MAN1A1: variants seen among roughly 807,000 people sequenced by gnomAD.
MAN1A1 encodes mannosyl-oligosaccharide 1,2-alpha-mannosidase IA.
MAN1A1 carries 29 observed loss-of-function variants against 70.8 expected under a neutral mutation model. The ratio of observed to expected loss-of-function variants is 0.41; its 90% CI spans 0.31 to 0.56. The LOEUF (loss-of-function observed/expected upper bound fraction) is 0.56. MAN1A1 is among the 20% of genes least tolerant of loss of function. MAN1A1 has a pLI of 0.29. For missense variants in MAN1A1, 747 were observed against 841.3 expected (o/e 0.89, Z 1.39); for synonymous variants, 349 against 330.1 (o/e 1.06, Z -0.62).
At chr6:119,212,376 A>G (rs1562194602) in intron 6 of MAN1A1, among the ~76,000 whole-genome samples, 2 of 152,156 alleles carry the variant, frequency 1.3e-5, no homozygotes, top group African/African-American at 2.4e-5. Context: ...TGAGGCATAA[A>G]GGCCAATATT....
rs764312857 is a variant in MAN1A1, at chr6:119,204,928, GT to G, written c.993-47del. The G allele has an allele frequency of 1.9e-6, 3 of 1,593,504 alleles. No individual in the cohort carries two copies. The South Asian group carries it at 3.4e-5, about 18-fold the overall frequency. ...AAGAGTTATGGGTCAGATTAACTCCGTTTTTCACTATCTAAATAGCAGACAT... is the reference window on the plus strand; with the variant it reads ...AAGAGTTATGGGTCAGATTAACTCCGTTTTCACTATCTAAATAGCAGACAT... On this transcript the variant is annotated intron_variant, in intron 6 of 12. Coordinates refer to ENST00000368468, the MANE Select transcript of MAN1A1 (RefSeq NM_005907.4).
At chr6:119,251,488 C>T (rs1036266831) in intron 5 of MAN1A1, among the ~76,000 whole-genome samples, 1 of 152,180 alleles carries the variant, frequency 6.6e-6, no homozygotes, top group Non-Finnish European at 1.5e-5. Flanking sequence ...CAAATTTACC[C>T]ATTCTTTAAG....
chr6:119,291,511 A>C (rs560874992), intron 4 of MAN1A1, among the ~76,000 whole-genome samples: 6 of 137,850 alleles, frequency 4.4e-5, no homozygotes, highest in Non-Finnish European at 9.7e-5. Flanking sequence ...TTGTGTAAAC[A>C]TAATGGGGCC....
intron 3 of MAN1A1, among the ~76,000 whole-genome samples, chr6:119,303,759 C>A (rs1772457313): frequency 6.6e-6 from 1 of 152,096 alleles, no homozygotes; most frequent in Non-Finnish European, 1.5e-5. Flanking sequence ...AGGTAGACTA[C>A]AGCTAGATAC....
At chr6:119,294,452 T>C (rs951862949) in intron 4 of MAN1A1, among the ~76,000 whole-genome samples, 18 of 152,076 alleles carry the variant, frequency 1.2e-4, no homozygotes, top group African/African-American at 4.3e-4. Flanking sequence ...TAACAATTAA[T>C]GTGAATTTTG....
intron 5 of MAN1A1, among the ~76,000 whole-genome samples, chr6:119,285,220 C>T (rs1218279465): frequency 6.6e-6 from 1 of 151,692 alleles, no homozygotes; most frequent in Non-Finnish European, 1.5e-5. Context: ...TCAAGTGATC[C>T]CCCTCCCTCA....
chr6:119,268,949 A>G (rs1313848018), intron 5 of MAN1A1, among the ~76,000 whole-genome samples: 1 of 152,126 alleles, frequency 6.6e-6, no homozygotes, highest in African/African-American at 2.4e-5. Context: ...AACAATTCTT[A>G]GAGTCATTTA....
chr6:119,220,339 G>C (rs1401384706), intron 6 of MAN1A1, among the ~76,000 whole-genome samples: 1 of 61,330 alleles, frequency 1.6e-5, no homozygotes. Flanking sequence ...TTTACTTGGT[G>C]AGTTTAAAGA....
At chr6:119,248,469 TA>T in intron 5 of MAN1A1, 115 bp from the exon 6 acceptor site, 1 of 637,372 alleles carries the variant, frequency 1.6e-6, no homozygotes, top group Non-Finnish European at 2.8e-6. Context: ...TTTCTACTTT[TA>T]ATATCTGACA....
intron 3 of MAN1A1, among the ~76,000 whole-genome samples, chr6:119,305,668 G>A (rs1342602256): frequency 9.2e-5 from 14 of 152,104 alleles, no homozygotes; most frequent in Admixed American, 9.2e-4. Flanking sequence ...CTCCCAACCT[G>A]AGGTCCTACT....
chr6:119,337,644 A>T (rs1315438527), intron 2 of MAN1A1, among the ~76,000 whole-genome samples: 2 of 152,228 alleles, frequency 1.3e-5, no homozygotes, highest in Non-Finnish European at 2.9e-5. Flanking sequence ...CTGTGGCTTT[A>T]TCTTATTACT....
intron 6 of MAN1A1, among the ~76,000 whole-genome samples, chr6:119,238,977 G>A (rs1009158871): frequency 1.3e-5 from 2 of 151,868 alleles, no homozygotes; most frequent in African/African-American, 4.8e-5. Context: ...TGCAAGTTCC[G>A]CCTCCCGGGT....
chr6:119,313,176 C>T (rs1772756730), intron 2 of MAN1A1, among the ~76,000 whole-genome samples: 1 of 152,162 alleles, frequency 6.6e-6, no homozygotes, highest in Non-Finnish European at 1.5e-5. Flanking sequence ...GGTGACAGTG[C>T]AGAGCCTGAT....
chr6:119,232,363 ACT>A (rs1774705690), intron 6 of MAN1A1, among the ~76,000 whole-genome samples: 1 of 125,406 alleles, frequency 8.0e-6, no homozygotes, highest in Admixed American at 9.3e-5. Flanking sequence ...ACAGAGCGAG[ACT>A]CTGTCTCAAA....
At chr6:119,321,231 A>G (rs1379997984) in intron 2 of MAN1A1, among the ~76,000 whole-genome samples, 1 of 152,134 alleles carries the variant, frequency 6.6e-6, no homozygotes, top group African/African-American at 2.4e-5. Flanking sequence ...ACTCTCTCAC[A>G]CTGTTTTCTT....
intron 6 of MAN1A1, among the ~76,000 whole-genome samples, chr6:119,227,512 TCTATTG>T (rs1774551750): frequency 6.6e-6 from 1 of 152,220 alleles, no homozygotes. Context: ...ATGGTCTCAG[TCTATTG>T]CCCAAGCTAA....
intron 5 of MAN1A1, among the ~76,000 whole-genome samples, chr6:119,286,206 G>A (rs1268202078): frequency 2.6e-5 from 4 of 152,180 alleles, no homozygotes; most frequent in East Asian, 3.9e-4. Flanking sequence ...CAGACATTGA[G>A]TTTGAAAGGT....
intron 2 of MAN1A1, among the ~76,000 whole-genome samples, chr6:119,326,656 A>G (rs1431253252): frequency 6.6e-6 from 1 of 152,206 alleles, no homozygotes; most frequent in African/African-American, 2.4e-5. Flanking sequence ...GCCACAGGAA[A>G]CTTACAATCA....
At position 119,339,926 on chromosome 6, in the gene MAN1A1, A is replaced by G. The variant is rs181304100; in HGVS notation, c.603+8537T>C. ...GCCAATGTGGGGAAACCTTGCCTCT[A>G]CCAAAAATACAAAAATTAGCCAAGC... On this transcript the variant is annotated intron_variant, in intron 2 of 12. Coordinates refer to ENST00000368468, the MANE Select transcript of MAN1A1 (RefSeq NM_005907.4). 1.8e-3 allele frequency among the ~76,000 whole-genome samples: 267 copies of G among 152,220 alleles called. 1 individual carries two copies. The highest frequency in any genetic ancestry group is 6.3e-3 in the African/African-American group (260 of 41,564).
Sources: gnomAD v4.1 joint callset for allele counts (sites outside exome capture counted in the v4.1 genomes callset) on GRCh38, gnomAD v4.1.1 for gene constraint, MANE v1.5 for transcripts, NCBI Gene and HGNC (gene_info 2026-07-23, HGNC 2026-07-21) for gene names.